The following DYNC2LI1 variants were observed in gnomAD, a reference collection of about 807,000 sequenced individuals.
DYNC2LI1 encodes the protein cytoplasmic dynein 2 light intermediate chain 1.
In DYNC2LI1, 45 loss-of-function variants were observed where a neutral mutation model predicts 51.9. That is an observed-to-expected ratio of 0.87 (90% CI 0.68 to 1.11). The LOEUF (loss-of-function observed/expected upper bound fraction) is 1.11. Among genes scored for constraint, DYNC2LI1 ranks in the 50% most tolerant of loss-of-function variants. The pLI, the probability that DYNC2LI1 is intolerant of heterozygous loss-of-function variation, is 0.00. For synonymous variants in DYNC2LI1, 130 were observed against 137.8 expected (o/e 0.94, Z 0.40); for missense variants, 490 against 417.4 (o/e 1.17, Z -1.51).
intron 4 of DYNC2LI1, among the ~76,000 whole-genome samples, chr2:43,789,176 A>T (rs1189813284): frequency 1.3e-5 from 2 of 152,082 alleles, no homozygotes; most frequent in South Asian, 4.1e-4. Context: ...CCTTTTCTTC[A>T]TGCTTTACGT....
At chr2:43,783,294 A>G (rs1673379678) in intron 2 of DYNC2LI1, among the ~76,000 whole-genome samples, 1 of 152,200 alleles carries the variant, frequency 6.6e-6, no homozygotes, top group Non-Finnish European at 1.5e-5. Flanking sequence ...GTGGGACTTT[A>G]TAATTATAAT....
At chr2:43,796,333 CAAAAA>C (rs367924644) in intron 7 of DYNC2LI1, among the ~76,000 whole-genome samples, 1 of 106,446 alleles carries the variant, frequency 9.4e-6, no homozygotes, top group African/African-American at 3.0e-5. Context: ...ACACTTGTCT[CAAAAA>C]AAAAAAAAAA....
chr2:43,816,724 G>T, the DYNC2LI1 span, among the ~76,000 whole-genome samples: 1 of 152,054 alleles, frequency 6.6e-6, no homozygotes, highest in Non-Finnish European at 1.5e-5. Flanking sequence ...ATATTATGTT[G>T]TTAAATGGGA....
At chr2:43,782,338 G>T (rs188276785) in intron 2 of DYNC2LI1, among the ~76,000 whole-genome samples, 1 of 151,556 alleles carries the variant, frequency 6.6e-6, no homozygotes, top group Non-Finnish European at 1.5e-5. Flanking sequence ...CAATTTGATC[G>T]TATTCCAGAT....
intron 12 of DYNC2LI1, among the ~76,000 whole-genome samples, chr2:43,807,987 A>G (rs1312881608): frequency 6.6e-6 from 1 of 152,046 alleles, no homozygotes. Context: ...TAGTTTTCTC[A>G]CAGTCTGCTG....
At chr2:43,794,336 C>A in intron 5 of DYNC2LI1, 121 bp from the exon 6 acceptor site, 1 of 1,097,032 alleles carries the variant, frequency 9.1e-7, no homozygotes. Flanking sequence ...TAGAATAATG[C>A]TACGGTTTTT....
chr2:43,810,385 ATCTAAGGAGATATCC>A, downstream of DYNC2LI1: 1 of 985,424 alleles, frequency 1.0e-6, no homozygotes, highest in Non-Finnish European at 1.2e-6. Context: ...GAACAGGCAC[ATCTAAGGAGATATCC>A]TATCAAGAAG....
At chr2:43,828,106 C>T in the DYNC2LI1 span, 208 of 1,613,964 alleles carry the variant, frequency 1.3e-4, 4 homozygotes, top group South Asian at 2.0e-3. Context: ...TCTGCCATGA[C>T]GGCCTCCACC....
chr2:43,818,273 A>G, the DYNC2LI1 span, among the ~76,000 whole-genome samples: 5 of 152,096 alleles, frequency 3.3e-5, no homozygotes, highest in East Asian at 7.8e-4. Flanking sequence ...GCGAAACCCC[A>G]TCTCTACTAA....
intron 10 of DYNC2LI1, among the ~76,000 whole-genome samples, chr2:43,802,193 T>C (rs1188804000): frequency 2.0e-5 from 3 of 152,112 alleles, no homozygotes; most frequent in Non-Finnish European, 4.4e-5. Flanking sequence ...TCTAATGGAA[T>C]GTATTTCCTA....
downstream of DYNC2LI1, chr2:43,813,426 A>T (rs538413682): frequency 6.7e-6 from 5 of 741,806 alleles, no homozygotes; most frequent in South Asian, 1.5e-5. Flanking sequence ...CACTTTAGCA[A>T]GCCCAGAGTT....
chr2:43,795,248 G>A (rs1231654004), intron 6 of DYNC2LI1: 3 of 955,666 alleles, frequency 3.1e-6, no homozygotes, highest in Non-Finnish European at 3.7e-6. Flanking sequence ...GCTCATGCTT[G>A]TAATCCCAGC....
the DYNC2LI1 span, among the ~76,000 whole-genome samples, chr2:43,821,370 C>T: frequency 3.3e-5 from 5 of 152,190 alleles, no homozygotes; most frequent in South Asian, 2.1e-4. Flanking sequence ...TCCTAATTAG[C>T]GAATCTCAAT....
At chr2:43,792,971 A>G in intron 5 of DYNC2LI1, 1 of 572,992 alleles carries the variant, frequency 1.7e-6, no homozygotes, top group Non-Finnish European at 2.7e-6. Flanking sequence ...ATTGGTGTAC[A>G]TTATCTGTTT....
At chr2:43,805,536 A>C (rs1572721807) in intron 12 of DYNC2LI1, 1 of 183,016 alleles carries the variant, frequency 5.5e-6, no homozygotes, top group East Asian at 1.4e-4. Flanking sequence ...CATTATATTA[A>C]AGATGAGTGG....
chr2:43,798,283 A>G (rs1243475686), intron 8 of DYNC2LI1, among the ~76,000 whole-genome samples: 1 of 152,180 alleles, frequency 6.6e-6, no homozygotes, highest in Non-Finnish European at 1.5e-5. Flanking sequence ...GTCAGTTTTT[A>G]TACCTTTCAA....
chr2:43,795,998 A>G (rs374168266), intron 7 of DYNC2LI1, 40 bp downstream of exon 7: 66 of 1,414,424 alleles, frequency 4.7e-5, no homozygotes, highest in African/African-American at 2.6e-4. Flanking sequence ...TTGTACATAT[A>G]TGGCTGTGCT....
chr2:43,780,133 A>G (rs769946044), intron 2 of DYNC2LI1, among the ~76,000 whole-genome samples: 13 of 152,194 alleles, frequency 8.5e-5, no homozygotes, highest in Non-Finnish European at 1.6e-4. Context: ...ACCTTTCACT[A>G]AGGTCAAAGA....
intron 6 of DYNC2LI1, chr2:43,795,127 T>G: frequency 1.0e-6 from 1 of 995,182 alleles, no homozygotes; most frequent in Non-Finnish European, 1.2e-6. Flanking sequence ...AAAGTTGCTA[T>G]GATGGTAACA....
Sources: allele counts gnomAD v4.1 joint callset (sites outside exome capture counted in the v4.1 genomes callset), GRCh38; gene constraint gnomAD v4.1.1; transcripts MANE v1.5; gene names NCBI Gene and HGNC (gene_info 2026-07-23, HGNC 2026-07-21).